The following AMOTL1 variants were observed in gnomAD, a reference collection of about 807,000 sequenced individuals.
The protein encoded by AMOTL1 is angiomotin like 1.
AMOTL1 carries 45 observed loss-of-function variants against 102.9 expected under a neutral mutation model. That is an observed-to-expected ratio of 0.44 (90% CI 0.34 to 0.56). The LOEUF (loss-of-function observed/expected upper bound fraction) is 0.56. Ranked by LOEUF, AMOTL1 falls within the 20% of genes least tolerant of loss-of-function variation. AMOTL1 has a pLI of 0.01. For missense variants in AMOTL1, 1,114 were observed against 1,225.6 expected, an observed-to-expected ratio of 0.91 and a Z score of 1.36; for synonymous variants, 481 against 484.7, an observed-to-expected ratio of 0.99 and a Z score of 0.10.
intron 1 of AMOTL1, among the ~76,000 whole-genome samples, chr11:94,771,016 C>T (rs1204099220): frequency 1.3e-5 from 2 of 152,000 alleles, no homozygotes; most frequent in African/African-American, 2.4e-5. Flanking sequence ...GGTATAGCCT[C>T]TAGGTATCAG....
At chr11:94,855,611 A>G (rs1407056993) in intron 8 of AMOTL1, among the ~76,000 whole-genome samples, 1 of 152,138 alleles carries the variant, frequency 6.6e-6, no homozygotes, top group African/African-American at 2.4e-5. Flanking sequence ...TTCCTGGTTA[A>G]TATGCCGTCC....
In AMOTL1 at chr11:94,840,701, CACACACAT is replaced by C. The variant is rs1291979583; in HGVS notation, c.1648+9162_1648+9169del. Among the ~76,000 whole-genome samples the C allele has an allele frequency of 1.0e-3, 147 of 145,714 alleles. 1 individual carries two copies. Among genetic ancestry groups the C allele is most frequent in the African/African-American group, 3.7e-3 (140 of 38,306 alleles). ...ATATATACACACACACACACACACA[CACACACAT>C]ATATATATACATATATATGTACACA... On this transcript the variant is annotated intron_variant, in intron 6 of 12. Transcript: ENST00000433060.
intron 3 of AMOTL1, among the ~76,000 whole-genome samples, chr11:94,801,200 A>G (rs1164944440): frequency 6.6e-6 from 1 of 152,182 alleles, no homozygotes; most frequent in Non-Finnish European, 1.5e-5. Context: ...AGGATAAATC[A>G]GAGTTGTAGG....
At chr11:94,776,965 G>A (rs1210321975) in intron 1 of AMOTL1, among the ~76,000 whole-genome samples, 2 of 152,224 alleles carry the variant, frequency 1.3e-5, no homozygotes. Flanking sequence ...AAAGAGATTA[G>A]GAAATGTGCT....
intron 9 of AMOTL1, among the ~76,000 whole-genome samples, chr11:94,863,689 C>T (rs1952819730): frequency 6.6e-6 from 1 of 152,162 alleles, no homozygotes; most frequent in Admixed American, 6.5e-5. Flanking sequence ...ATTAAATACT[C>T]ATGTAGTCAG....
chr11:94,787,547 G>C (rs1951210875), intron 1 of AMOTL1, among the ~76,000 whole-genome samples: 1 of 151,678 alleles, frequency 6.6e-6, no homozygotes, highest in East Asian at 1.9e-4. Flanking sequence ...AATTAGCCGG[G>C]CATGGTGGCG....
chr11:94,782,547 A>T (rs1163113141), intron 1 of AMOTL1, among the ~76,000 whole-genome samples: 3 of 152,232 alleles, frequency 2.0e-5, no homozygotes, highest in Admixed American at 2.0e-4. Flanking sequence ...AACTCCCTTC[A>T]AAGTGAAAGA....
intron 2 of AMOTL1, among the ~76,000 whole-genome samples, chr11:94,795,689 T>C (rs1254339837): frequency 6.6e-6 from 1 of 152,240 alleles, no homozygotes; most frequent in African/African-American, 2.4e-5. Flanking sequence ...TAAATATGCT[T>C]ATAACTCATC....
chr11:94,863,499 A>G (rs1396868574), intron 9 of AMOTL1, among the ~76,000 whole-genome samples: 1 of 152,078 alleles, frequency 6.6e-6, no homozygotes, highest in Non-Finnish European at 1.5e-5. Context: ...GGCTGAGACA[A>G]GAGAATCGCT....
At chr11:94,774,726 C>T (rs1273996493) in intron 1 of AMOTL1, among the ~76,000 whole-genome samples, 1 of 152,166 alleles carries the variant, frequency 6.6e-6, no homozygotes, top group African/African-American at 2.4e-5. Context: ...CCAAGCAATG[C>T]TGATGCTGCT....
intron 4 of AMOTL1, among the ~76,000 whole-genome samples, chr11:94,828,373 C>T (rs1169431431): frequency 2.0e-5 from 3 of 152,100 alleles, no homozygotes; most frequent in African/African-American, 7.2e-5. Flanking sequence ...CTGGATATCT[C>T]TTCTACCTCC....
intron 6 of AMOTL1, 144 bp from the exon 7 acceptor site, chr11:94,849,970 T>A: frequency 9.4e-7 from 1 of 1,061,092 alleles, no homozygotes; most frequent in South Asian, 1.7e-5. Context: ...ACCACCACTA[T>A]GAAAAGGGAG....
At chr11:94,768,199 C>T, upstream of AMOTL1, 2 of 1,043,838 alleles carry the variant, frequency 1.9e-6, no homozygotes, top group Non-Finnish European at 2.3e-6. Flanking sequence ...GCCTGGCAGT[C>T]TCGCGGCCCG....
At chr11:94,711,703 T>C (rs1237399176) in intron 1 of AMOTL1, among the ~76,000 whole-genome samples, 3 of 152,176 alleles carry the variant, frequency 2.0e-5, no homozygotes, top group African/African-American at 4.8e-5. Flanking sequence ...CTTATGATAT[T>C]GGCCTCTTCC....
At chr11:94,808,965 C>CTTT (rs199619372) in intron 3 of AMOTL1, among the ~76,000 whole-genome samples, 420 of 111,870 alleles carry the variant, frequency 3.8e-3, no homozygotes, top group Non-Finnish European at 5.2e-3. Flanking sequence ...TTCTTTCTTT[C>CTTT]TTTTTTTTTT....
At chr11:94,824,567 G>A (rs1226517721) in intron 4 of AMOTL1, among the ~76,000 whole-genome samples, 1 of 152,196 alleles carries the variant, frequency 6.6e-6, no homozygotes, top group African/African-American at 2.4e-5. Context: ...ACTTCGTGAC[G>A]TAACATTTTG....
intron 6 of AMOTL1, among the ~76,000 whole-genome samples, chr11:94,844,898 C>T (rs1952376824): frequency 6.6e-6 from 1 of 152,176 alleles, no homozygotes; most frequent in Non-Finnish European, 1.5e-5. Context: ...TAGCTGGACT[C>T]CTCTATCTCT....
At chr11:94,737,622 C>T (rs943387516) in intron 2 of AMOTL1, among the ~76,000 whole-genome samples, 6 of 152,204 alleles carry the variant, frequency 3.9e-5, no homozygotes, top group Non-Finnish European at 8.8e-5. Flanking sequence ...TGGCTGATCC[C>T]AAGGCCTTCT....
intron 6 of AMOTL1, among the ~76,000 whole-genome samples, chr11:94,845,046 T>A (rs1363171504): frequency 6.6e-6 from 1 of 152,218 alleles, no homozygotes. Flanking sequence ...GAGCACTGAA[T>A]ATGAAGCTGT....
Sources: gnomAD v4.1 joint callset for allele counts (sites outside exome capture counted in the v4.1 genomes callset) on GRCh38, gnomAD v4.1.1 for gene constraint, MANE v1.5 for transcripts, NCBI Gene and HGNC (gene_info 2026-07-23, HGNC 2026-07-21) for gene names.